CADM1: variants seen among roughly 807,000 people sequenced by gnomAD.
CADM1 encodes cell adhesion molecule 1.
A neutral mutation model predicts 53.1 loss-of-function variants in CADM1; 15 were observed. The ratio of observed to expected loss-of-function variants is 0.28; its 90% confidence interval spans 0.19 to 0.44. The LOEUF (loss-of-function observed/expected upper bound fraction) is 0.44. CADM1 is among the 20% of genes least tolerant of loss of function. The pLI is 1.00. For missense variants in CADM1, 434 were observed against 611.3 expected (o/e 0.71, Z 3.06); for synonymous variants, 281 against 243.0 (o/e 1.16, Z -1.45).
chr11:115,284,323 C>T (rs569206728), intron 1 of CADM1, among the ~76,000 whole-genome samples: 135 of 152,004 alleles, frequency 8.9e-4, no homozygotes, highest in Non-Finnish European at 1.5e-3. Flanking sequence ...CTACTACTGT[C>T]GATGTTGTCT....
chr11:115,413,314 CTT>C (rs1272618311), intron 1 of CADM1, among the ~76,000 whole-genome samples: 2 of 152,204 alleles, frequency 1.3e-5, no homozygotes, highest in Non-Finnish European at 2.9e-5. Context: ...CAACAGAAGA[CTT>C]AACATTCTCA....
chr11:115,441,935 A>G (rs113236818), intron 1 of CADM1, among the ~76,000 whole-genome samples: 21 of 152,268 alleles, frequency 1.4e-4, no homozygotes, highest in African/African-American at 5.1e-4. Context: ...ACATTCAATA[A>G]TGTATATTAT....
Position 115,169,756 on chromosome 11 carries a change from G to A in CADM1, c.*6718C>T. 1 of 346,350 alleles carries A rather than the reference G, an allele frequency of 2.9e-6. No individual in the cohort carries two copies. The highest frequency in any genetic ancestry group is 2.3e-5 in the South Asian group (1 of 43,870). The allele number at this position is 346,350 out of a possible 1,614,324, so 21.5% of individuals were successfully genotyped here. A position where few individuals can be genotyped will look rare whatever the true frequency, so the allele number is the denominator to read the frequency against. ...TTTTAATCAGGTCTGCTGTGTCTGG[G>A]CAAACAGCTTTTGTGGATTAGCTAG... On this transcript the variant is annotated 3_prime_UTR_variant, in exon 12 of 12. Transcript: ENST00000331581.
intron 1 of CADM1, among the ~76,000 whole-genome samples, chr11:115,324,306 A>G (rs142116495): frequency 3.9e-5 from 6 of 152,296 alleles, no homozygotes; most frequent in African/African-American, 7.2e-5. Flanking sequence ...TAGGTTTTTA[A>G]CTACCTAACA....
chr11:115,213,473 T>C (rs900073772), intron 7 of CADM1, among the ~76,000 whole-genome samples: 3 of 120,678 alleles, frequency 2.5e-5, no homozygotes, highest in Admixed American at 8.8e-5. Flanking sequence ...GATCTTTTAA[T>C]TTTGCATTAT....
intron 1 of CADM1, among the ~76,000 whole-genome samples, chr11:115,359,202 G>C (rs1433630328): frequency 1.3e-5 from 2 of 152,216 alleles, no homozygotes; most frequent in East Asian, 3.9e-4. Context: ...CAGTTTTCCA[G>C]CTGAGTGGCC....
intron 1 of CADM1, among the ~76,000 whole-genome samples, chr11:115,275,571 G>C (rs986299915): frequency 6.6e-6 from 1 of 152,174 alleles, no homozygotes; most frequent in African/African-American, 2.4e-5. Context: ...ATGAATTCAA[G>C]ATATAATTGT....
chr11:115,258,040 T>C (rs1432514564), intron 1 of CADM1, among the ~76,000 whole-genome samples: 1 of 152,216 alleles, frequency 6.6e-6, no homozygotes, highest in Non-Finnish European at 1.5e-5. Context: ...GCCTATTTTA[T>C]AGATGAGGAA....
In CADM1 at chr11:115,169,838, G is replaced by T; in HGVS notation, c.*6636C>A. 3.7e-6 allele frequency: 1 copy of T among 267,388 alleles called. No individual in the cohort carries two copies. The highest frequency in any genetic ancestry group is 4.9e-5 in the Admixed American group (1 of 20,542). 16.6% of individuals were successfully genotyped at this position (267,388 alleles called of 1,614,324 possible). A position where few individuals can be genotyped will look rare whatever the true frequency, so the allele number is the denominator to read the frequency against. ...AAACGATGAAATACACAACTACAGA[G>T]AAAACAAACCAAAAAGAGTAATAAA... On this transcript the variant is annotated 3_prime_UTR_variant, in exon 12 of 12. Transcript: ENST00000331581.
In CADM1 at chr11:115,436,665, A is replaced by C. The variant is rs11215557; in HGVS notation, c.124+67606T>G. Among the ~76,000 whole-genome samples, 775 of 152,340 alleles carry C rather than the reference A, an allele frequency of 5.1e-3. 6 individuals carry two copies. Among genetic ancestry groups the C allele is most frequent in the African/African-American group, 0.018 (744 of 41,574 alleles). ...ACTTAGCTATCAGGAGAATCAACTA[A>C]GAGAATGAGGGCAGACACATGCAAA... On this transcript the variant is annotated intron_variant, in intron 1 of 11. Coordinates refer to ENST00000331581, the MANE Select transcript of CADM1 (RefSeq NM_001301043.2).
At chr11:115,303,085 G>C (rs1450640467) in intron 1 of CADM1, among the ~76,000 whole-genome samples, 1 of 152,040 alleles carries the variant, frequency 6.6e-6, no homozygotes, top group African/African-American at 2.4e-5. Context: ...CCCCAAAAGG[G>C]GGGCAACAAA....
intron 7 of CADM1, among the ~76,000 whole-genome samples, chr11:115,211,749 A>G (rs1007181292): frequency 5.3e-5 from 8 of 151,780 alleles, no homozygotes; most frequent in Non-Finnish European, 7.4e-5. Context: ...TCGGCCTCCC[A>G]AAGTGCTGAG....
At chr11:115,271,529 G>A (rs1310058727) in intron 1 of CADM1, among the ~76,000 whole-genome samples, 1 of 152,104 alleles carries the variant, frequency 6.6e-6, no homozygotes, top group Non-Finnish European at 1.5e-5. Flanking sequence ...TGATCCACCC[G>A]CCTCGGCCTC....
intron 5 of CADM1, among the ~76,000 whole-genome samples, chr11:115,228,882 A>G (rs1941713248): frequency 6.6e-6 from 1 of 152,190 alleles, no homozygotes; most frequent in African/African-American, 2.4e-5. Flanking sequence ...GTTAGAGCAG[A>G]TTGATATTAT....
intron 5 of CADM1, 43 bp downstream of exon 5, chr11:115,229,070 A>G: frequency 6.2e-7 from 1 of 1,602,142 alleles, no homozygotes; most frequent in Non-Finnish European, 8.5e-7. Flanking sequence ...TTTCTATGTA[A>G]CTGCAACTCT....
At chr11:115,345,825 G>C (rs1486946683) in intron 1 of CADM1, among the ~76,000 whole-genome samples, 2 of 152,152 alleles carry the variant, frequency 1.3e-5, no homozygotes, top group African/African-American at 4.8e-5. Flanking sequence ...CTACCTCCCA[G>C]ATGCTCAAGC....
chr11:115,295,550 A>ATATATATATATATAAT (rs371584699), intron 1 of CADM1, among the ~76,000 whole-genome samples: 1 of 53,004 alleles, frequency 1.9e-5, no homozygotes, highest in Admixed American at 2.5e-4. Context: ...ATATATATAT[A>ATATATATATATATAAT]ATATATATGT....
intron 1 of CADM1, among the ~76,000 whole-genome samples, chr11:115,335,746 T>C (rs763957577): frequency 2.8e-4 from 42 of 152,184 alleles, no homozygotes; most frequent in Non-Finnish European, 5.3e-4. Context: ...CTCTTCCAAA[T>C]GGTGACACAT....
At position 115,209,595 on chromosome 11, in the gene CADM1, T is replaced by C; in HGVS notation, c.1057A>G (p.Thr353Ala). 1 of 1,529,138 alleles carries C rather than the reference T, an allele frequency of 6.5e-7. No individual in the cohort carries two copies. Among genetic ancestry groups the C allele is most frequent in the Non-Finnish European group, 9.0e-7 (1 of 1,117,244 alleles). 94.7% of individuals were successfully genotyped at this position (1,529,138 alleles called of 1,614,324 possible). A position where few individuals can be genotyped will look rare whatever the true frequency, so the allele number is the denominator to read the frequency against. Residue 353 changes from threonine (T) to alanine (A), a missense_variant, in exon 8 of 12, where the codon ACC (threonine) becomes GCC (alanine). Around this residue, in one of 4 missense-constraint regions of CADM1, gnomAD observed 311 missense variants for 435.1 expected, o/e 0.71. Coordinates refer to ENST00000331581, the MANE Select transcript of CADM1 (RefSeq NM_001301043.2). ...TTTTTTTTTT[T>A]ILTIITDTTA... ...ATACCTGTGATGATGGTAAGGATGG[T>C]GGTGGTGGTGGTGGTGGTGGTGGTG...
Sources: allele counts gnomAD v4.1 joint callset (sites outside exome capture counted in the v4.1 genomes callset), GRCh38; gene constraint gnomAD v4.1.1; regional missense constraint gnomAD v4.1.1; transcripts MANE v1.5; gene names NCBI Gene and HGNC (gene_info 2026-07-23, HGNC 2026-07-21).